The following XIRP2 variants were observed in gnomAD, a reference collection of about 807,000 sequenced individuals.
XIRP2 encodes xin actin-binding repeat-containing protein 2.
Under a neutral mutation model 277.0 loss-of-function variants are expected in XIRP2, and 236 were observed. That is an observed-to-expected ratio of 0.85 (90% confidence interval 0.77 to 0.95). The LOEUF is 0.95. Among genes scored for constraint, XIRP2 ranks in the 40% least tolerant of loss-of-function variants. XIRP2 has a pLI of 0.00. For synonymous variants in XIRP2, 1,490 were observed against 1,416.5 expected (o/e 1.05, Z -1.17); for missense variants, 4,640 against 4,157.5 (o/e 1.12, Z -3.19).
intron 1 of XIRP2, among the ~76,000 whole-genome samples, chr2:166,899,759 G>A (rs1478814369): frequency 6.6e-6 from 1 of 152,070 alleles, no homozygotes; most frequent in Non-Finnish European, 1.5e-5. Flanking sequence ...TTCTGTATAA[G>A]CAAGGTGTCA....
At chr2:166,900,868 T>G (rs536921755) in intron 1 of XIRP2, among the ~76,000 whole-genome samples, 4 of 152,168 alleles carry the variant, frequency 2.6e-5, no homozygotes, top group African/African-American at 9.6e-5. Flanking sequence ...TACCGCTAGG[T>G]GGGGTAGAAG....
rs1175158964 is a variant in XIRP2 at position 167,243,270 on chromosome 2, C to A, written c.1878C>A (p.Ile626=). The part of the protein sequence containing the change: ...YTTWMFETQP[I]DTLGAYSSDT... Reference sequence around the variant, plus strand: ...CATGGATGTTTGAAACCCAACCCATCGACACACTTGGGGCTTATTCTTCTG... The same window carrying A: ...CATGGATGTTTGAAACCCAACCCATAGACACACTTGGGGCTTATTCTTCTG... Residue 626 remains isoleucine, a synonymous_variant, in exon 9 of 11, where the codon ATC becomes ATA. Transcript: ENST00000409195. 6.2e-7 allele frequency: 1 copy of A among 1,613,614 alleles called. No individual in the cohort carries two copies.
chr2:167,069,689 T>G (rs1689391463), intron 2 of XIRP2, among the ~76,000 whole-genome samples: 3 of 152,146 alleles, frequency 2.0e-5, no homozygotes, highest in Admixed American at 1.3e-4. Context: ...CTCACTAAGC[T>G]TTAACCTAGA....
intron 3 of XIRP2, among the ~76,000 whole-genome samples, chr2:167,204,256 C>A (rs1222606957): frequency 1.3e-5 from 2 of 152,160 alleles, no homozygotes; most frequent in African/African-American, 4.8e-5. Context: ...TTTTGTGTCA[C>A]AATAATACAC....
intron 2 of XIRP2, among the ~76,000 whole-genome samples, chr2:166,950,064 AG>A (rs1685987112): frequency 6.6e-6 from 1 of 152,088 alleles, no homozygotes; most frequent in African/African-American, 2.4e-5. Flanking sequence ...AAATAGTACT[AG>A]TGTAGTTAAT....
At chr2:167,001,972 T>G (rs926378094) in intron 2 of XIRP2, among the ~76,000 whole-genome samples, 1 of 152,168 alleles carries the variant, frequency 6.6e-6, no homozygotes, top group Non-Finnish European at 1.5e-5. Context: ...AAAACTTATT[T>G]AAAATATTTC....
chr2:166,912,156 C>T (rs1390813461), intron 2 of XIRP2, among the ~76,000 whole-genome samples: 2 of 152,100 alleles, frequency 1.3e-5, no homozygotes, highest in East Asian at 1.9e-4. Flanking sequence ...TATTGGCCTG[C>T]CTTGCTAGGT....
intron 2 of XIRP2, among the ~76,000 whole-genome samples, chr2:167,107,986 A>G (rs1243692271): frequency 2.0e-5 from 3 of 151,666 alleles, no homozygotes; most frequent in Non-Finnish European, 3.0e-5. Context: ...ATTAGTTTGT[A>G]TATTTCTTTT....
intron 2 of XIRP2, among the ~76,000 whole-genome samples, chr2:167,084,779 G>C (rs1333150933): frequency 1.4e-5 from 2 of 147,252 alleles, no homozygotes; most frequent in Admixed American, 1.4e-4. Context: ...TGTGGGATCG[G>C]TGGTGATATC....
chr2:167,131,508 T>C lies in XIRP2; in HGVS notation c.409-4401T>C, dbSNP rs189904806. On this transcript the variant is annotated intron_variant, in intron 2 of 10. Transcript: ENST00000409195. Reference sequence around the variant, plus strand: ...ACCCACTTCAAATTGCCTTCCAACCTTTGTACTTCCAAGGAAGCAATTTTG... The same window carrying C: ...ACCCACTTCAAATTGCCTTCCAACCCTTGTACTTCCAAGGAAGCAATTTTG... Among the ~76,000 whole-genome samples the C allele has an allele frequency of 6.6e-5, 10 of 152,300 alleles. 1 individual carries two copies. The highest frequency in any genetic ancestry group is 2.4e-4 in the African/African-American group (10 of 41,574).
intron 2 of XIRP2, among the ~76,000 whole-genome samples, chr2:167,119,547 T>G (rs1690994430): frequency 6.6e-6 from 1 of 152,204 alleles, no homozygotes; most frequent in South Asian, 2.1e-4. Flanking sequence ...TATAAGTGAT[T>G]GTACCAGACT....
Position 167,243,502 on chromosome 2 carries a change from C to A in XIRP2, c.2110C>A (p.Leu704Ile). ...GTTTGAAACTCAACATCTAGATCAA[C>A]TTGGACAGCTTCATTCAGTGGATGA... ...YMFETQHLDQ[L>I]GQLHSVDEVH... Residue 704 changes from leucine (L) to isoleucine (I), a missense_variant, in exon 9 of 11, where the codon CTT (leucine) becomes ATT (isoleucine). Coordinates refer to ENST00000409195, the MANE Select transcript of XIRP2 (RefSeq NM_152381.6). 1 of 1,614,028 alleles carries A rather than the reference C, an allele frequency of 6.2e-7. No individual in the cohort carries two copies. Among genetic ancestry groups the A allele is most frequent in the South Asian group, 1.1e-5 (1 of 91,074 alleles).
At chr2:167,141,177 T>C (rs1242179986) in intron 3 of XIRP2, among the ~76,000 whole-genome samples, 1 of 152,140 alleles carries the variant, frequency 6.6e-6, no homozygotes, top group African/African-American at 2.4e-5. Flanking sequence ...TACCCTGAAA[T>C]TGGAAAAAAC....
chr2:167,193,853 G>T (rs1298266527), intron 3 of XIRP2, among the ~76,000 whole-genome samples: 1 of 143,142 alleles, frequency 7.0e-6, no homozygotes, highest in Non-Finnish European at 1.5e-5. Context: ...ACTCCAGCCT[G>T]GGTGACACAG....
At chr2:167,108,563 T>C (rs1248832783) in intron 2 of XIRP2, among the ~76,000 whole-genome samples, 1 of 152,074 alleles carries the variant, frequency 6.6e-6, no homozygotes, top group East Asian at 1.9e-4. Flanking sequence ...GTTGAATGTA[T>C]TTTTTAAAGA....
At chr2:167,036,055 T>G (rs1688498139) in intron 2 of XIRP2, among the ~76,000 whole-genome samples, 1 of 152,192 alleles carries the variant, frequency 6.6e-6, no homozygotes, top group African/African-American at 2.4e-5. Context: ...TTTCAGAAGA[T>G]GTATGGAAGC....
At position 167,075,584 on chromosome 2, in the gene XIRP2, G is replaced by A. The variant is rs138956978; in HGVS notation, c.409-60325G>A. Among the ~76,000 whole-genome samples the A allele has an allele frequency of 1.6e-3, 239 of 152,228 alleles. 3 individuals carry two copies. The highest frequency in any genetic ancestry group is 5.5e-3 in the African/African-American group (230 of 41,540). On this transcript the variant is annotated intron_variant, in intron 2 of 10. Coordinates refer to ENST00000409195, the MANE Select transcript of XIRP2 (RefSeq NM_152381.6). ...ATTTCTTCTGTCCATTCTTTTTAAA[G>A]CATTATAATTTATAGCCAGGACCAA...
intron 3 of XIRP2, among the ~76,000 whole-genome samples, chr2:167,178,315 T>C (rs899175489): frequency 6.6e-6 from 1 of 151,764 alleles, no homozygotes; most frequent in Non-Finnish European, 1.5e-5. Context: ...CATATAACTA[T>C]GAAAAACACA....
intron 2 of XIRP2, among the ~76,000 whole-genome samples, chr2:167,064,114 CA>C (rs1259986405): frequency 1.3e-5 from 2 of 151,650 alleles, no homozygotes; most frequent in Admixed American, 6.6e-5. Context: ...ATATAATTAA[CA>C]AAGTAAAATT....
Sources: gnomAD v4.1 joint callset for allele counts (sites outside exome capture counted in the v4.1 genomes callset) on GRCh38, gnomAD v4.1.1 for gene constraint, MANE v1.5 for transcripts, NCBI Gene and HGNC (gene_info 2026-07-23, HGNC 2026-07-21) for gene names.